The following YEATS4 variants were observed in gnomAD, a reference collection of about 807,000 sequenced individuals.
YEATS4 encodes YEATS domain-containing protein 4.
Under a neutral mutation model 30.1 loss-of-function variants are expected in YEATS4, and 17 were observed. The observed-to-expected ratio is 0.56, with a 90% CI of 0.39 to 0.85. The LOEUF is 0.85. Among genes scored for constraint, YEATS4 ranks in the 40% least tolerant of loss-of-function variants. The probability of loss-of-function intolerance (pLI) is 0.00; values close to 1 mark genes in which losing one functional copy is unlikely to be tolerated. For synonymous variants in YEATS4, 85 were observed against 87.5 expected (o/e 0.97, Z 0.16); for missense variants, 142 against 268.3 (o/e 0.53, Z 3.29).
chr12:69,424,959 G>T, the YEATS4 span, among the ~76,000 whole-genome samples: 2 of 152,014 alleles, frequency 1.3e-5, no homozygotes, highest in African/African-American at 4.8e-5. Flanking sequence ...TGCTCTTGTT[G>T]CCCAGGCTGG....
chr12:69,387,733 A>G (rs1452780395), intron 6 of YEATS4, among the ~76,000 whole-genome samples: 3 of 152,218 alleles, frequency 2.0e-5, no homozygotes, highest in African/African-American at 7.2e-5. Context: ...GCACTTGGGT[A>G]TATGCTTTGT....
intron 1 of YEATS4, among the ~76,000 whole-genome samples, chr12:69,360,275 C>G (rs937749437): frequency 1.3e-5 from 2 of 152,180 alleles, no homozygotes; most frequent in Non-Finnish European, 2.9e-5. Context: ...TTGGGGAAAC[C>G]CGGACGTGGC....
chr12:69,380,373 G>A (rs1303886967), intron 6 of YEATS4, among the ~76,000 whole-genome samples: 3 of 152,192 alleles, frequency 2.0e-5, no homozygotes, highest in African/African-American at 7.2e-5. Flanking sequence ...CGACTTTGGT[G>A]GTCTTGGATA....
intron 1 of YEATS4, among the ~76,000 whole-genome samples, chr12:69,360,705 G>GC (rs1478320028): frequency 2.1e-5 from 3 of 144,260 alleles, no homozygotes; most frequent in Admixed American, 1.4e-4. Context: ...CTGTCTTGTT[G>GC]CCCAGGCTGG....
chr12:69,386,549 C>T (rs1348996044), intron 6 of YEATS4, among the ~76,000 whole-genome samples: 1 of 152,190 alleles, frequency 6.6e-6, no homozygotes, highest in African/African-American at 2.4e-5. Flanking sequence ...ATGATTACCT[C>T]ATAACATTAG....
the YEATS4 span, among the ~76,000 whole-genome samples, chr12:69,417,572 C>T: frequency 7.9e-5 from 12 of 152,070 alleles, no homozygotes; most frequent in Admixed American, 2.0e-4. Flanking sequence ...GGCTAAAAAT[C>T]CTGTGACTCT....
chr12:69,402,721 T>G, the YEATS4 span, among the ~76,000 whole-genome samples: 1 of 129,146 alleles, frequency 7.7e-6, no homozygotes, highest in Non-Finnish European at 1.6e-5. Flanking sequence ...TCTTTCTTTC[T>G]TTTCTTTTTT....
the YEATS4 span, among the ~76,000 whole-genome samples, chr12:69,400,661 A>G: frequency 1.3e-5 from 2 of 151,988 alleles, no homozygotes; most frequent in Non-Finnish European, 2.9e-5. Flanking sequence ...CAGCCTAGGC[A>G]ACATAGCAAG....
intron 6 of YEATS4, among the ~76,000 whole-genome samples, chr12:69,373,807 C>T (rs372183820): frequency 5.9e-5 from 9 of 152,076 alleles, no homozygotes; most frequent in East Asian, 1.9e-4. Flanking sequence ...TTGTATATGG[C>T]GAGAGATAGG....
intron 6 of YEATS4, 117 bp downstream of exon 6, chr12:69,371,092 T>A: frequency 1.1e-6 from 1 of 928,966 alleles, no homozygotes; most frequent in Non-Finnish European, 1.6e-6. Context: ...TTTTAGGTGT[T>A]AAAAAACACA....
intron 6 of YEATS4, among the ~76,000 whole-genome samples, chr12:69,375,124 G>T (rs1875805906): frequency 6.6e-6 from 1 of 151,428 alleles, no homozygotes; most frequent in African/African-American, 2.4e-5. Flanking sequence ...CTGCTGGGCG[G>T]AGGGGCTCCT....
chr12:69,394,365 T>G (rs1410851321), downstream of YEATS4, among the ~76,000 whole-genome samples: 1 of 152,122 alleles, frequency 6.6e-6, no homozygotes, highest in Non-Finnish European at 1.5e-5. Flanking sequence ...TTATGAATCA[T>G]TAAGGAAAAC....
At chr12:69,389,126 G>A (rs1225342556) in intron 6 of YEATS4, among the ~76,000 whole-genome samples, 1 of 152,154 alleles carries the variant, frequency 6.6e-6, no homozygotes, top group Non-Finnish European at 1.5e-5. Context: ...AAAAGATATT[G>A]GCTTGTATTG....
chr12:69,375,795 G>T (rs185249192), intron 6 of YEATS4, among the ~76,000 whole-genome samples: 1 of 152,102 alleles, frequency 6.6e-6, no homozygotes, highest in Non-Finnish European at 1.5e-5. Context: ...CCAGGCACTC[G>T]GCAGGCTGAG....
chr12:69,374,553 G>A (rs1875767282), intron 6 of YEATS4, among the ~76,000 whole-genome samples: 1 of 152,130 alleles, frequency 6.6e-6, no homozygotes, highest in South Asian at 2.1e-4. Context: ...AGAGGGCCCT[G>A]CTGCCTTCCC....
chr12:69,359,898 G>A lies in YEATS4; in HGVS notation c.-75G>A. 1 of 1,589,816 alleles carries A rather than the reference G, an allele frequency of 6.3e-7. No homozygotes were observed. On this transcript the variant is annotated 5_prime_UTR_variant, in exon 1 of 7. Transcript: ENST00000247843. ...CCTGGGCCCGCGCGACAGGAGCGCG[G>A]TCTCTGAGGGGAGCGGCGACCCCGC...
At chr12:69,373,509 T>C (rs1875727278) in intron 6 of YEATS4, among the ~76,000 whole-genome samples, 2 of 152,234 alleles carry the variant, frequency 1.3e-5, no homozygotes, top group South Asian at 2.1e-4. Flanking sequence ...TTCGAGCTCC[T>C]TATATATTCT....
Position 69,365,614 on chromosome 12 carries a change from CT to C in YEATS4, c.172-18del. 4 of 1,564,952 alleles carry C rather than the reference CT, an allele frequency of 2.6e-6. No homozygotes were observed. The South Asian group carries it at 4.5e-5, about 18-fold the overall frequency. ...TTTCATTTGTAGATCATAAAACTAACTAATTCCTTATATTTTAGGATATGTC... is the reference window on the plus strand; with the variant it reads ...TTTCATTTGTAGATCATAAAACTAACAATTCCTTATATTTTAGGATATGTC... On this transcript the variant is annotated intron_variant, in intron 2 of 6. Transcript: ENST00000247843.
intron 6 of YEATS4, among the ~76,000 whole-genome samples, chr12:69,385,365 A>T: frequency 6.6e-6 from 1 of 152,178 alleles, no homozygotes; most frequent in East Asian, 1.9e-4. Flanking sequence ...ATCTGGGAAT[A>T]TTAATCAAAG....
Sources: gnomAD v4.1 joint callset for allele counts (sites outside exome capture counted in the v4.1 genomes callset) on GRCh38, gnomAD v4.1.1 for gene constraint, MANE v1.5 for transcripts, NCBI Gene and HGNC (gene_info 2026-07-23, HGNC 2026-07-21) for gene names.